SNAPC3: variants seen among roughly 807,000 people sequenced by gnomAD.
SNAPC3 encodes snRNA-activating protein complex subunit 3.
Under a neutral mutation model 47.7 loss-of-function variants are expected in SNAPC3, and 56 were observed. The observed-to-expected ratio is 1.18, with a 90% confidence interval of 0.95 to 1.47. SNAPC3 has a LOEUF of 1.47. Among genes scored for constraint, SNAPC3 ranks in the 40% most tolerant of loss-of-function variants. The pLI is 0.00. For synonymous variants in SNAPC3, 235 were observed against 189.9 expected, an observed-to-expected ratio of 1.24 and a Z score of -1.95; for missense variants, 665 against 511.3, an observed-to-expected ratio of 1.30 and a Z score of -2.90.
chr9:15,450,754 T>A (rs2034325635), intron 5 of SNAPC3, among the ~76,000 whole-genome samples: 2 of 152,194 alleles, frequency 1.3e-5, no homozygotes, highest in South Asian at 4.1e-4. Flanking sequence ...TTTTGTGATT[T>A]GATTTTGCAG....
In SNAPC3 at chr9:15,423,098, G is replaced by C. The variant is rs750295441; in HGVS notation, c.219G>C (p.Gly73=). The C allele has an allele frequency of 1.3e-6, 2 of 1,547,454 alleles. No homozygotes were observed. The highest frequency in any genetic ancestry group is 4.5e-5 in the Admixed American group (2 of 44,236). ...AGCCGCCGGCATCCGCTCTGCCTGG[G>C]AGCCAGGCAGCTGACTCCGACCGGG... ...LREPPASALP[G]SQAADSDRED... The change falls in exon 1 of 9, where the codon GGG becomes GGC. Residue 73 remains glycine (G), a synonymous_variant. Coordinates refer to ENST00000380821, the MANE Select transcript of SNAPC3 (RefSeq NM_001039697.2).
rs553763659 is a variant in SNAPC3 at position 15,454,477 on chromosome 9, G to A, written c.980+1272G>A. 5.6e-4 allele frequency among the ~76,000 whole-genome samples: 86 copies of A among 152,322 alleles called. 1 individual carries two copies. The South Asian group carries it at 8.3e-3, about 15-fold the overall frequency. ...AGAATTATGGAAAAGTGAAATCCCA[G>A]TGTGAGAGCTTTACACCAGACCCAG... is the stretch of plus-strand genomic sequence containing the variant. On this transcript the variant is annotated intron_variant, in intron 7 of 8. Transcript: ENST00000380821.
At chr9:15,461,970 A>G (rs2035252425), downstream of SNAPC3, 1 of 152,160 alleles carries the variant, frequency 6.6e-6, no homozygotes. Context: ...ATTTAAGATA[A>G]ATGAATGATT....
Position 15,459,877 on chromosome 9 carries a change from A to C in SNAPC3, c.*11A>C. On this transcript the variant is annotated 3_prime_UTR_variant, in exon 9 of 9. Coordinates refer to ENST00000380821, the MANE Select transcript of SNAPC3 (RefSeq NM_001039697.2). Reference sequence around the variant, plus strand: ...GGAACCTTTAATTAAGAATAGCTACACTCACAAAAATACCCCCTCATGAAA... The same window carrying C: ...GGAACCTTTAATTAAGAATAGCTACCCTCACAAAAATACCCCCTCATGAAA... 3 of 1,600,956 alleles carry C rather than the reference A, an allele frequency of 1.9e-6. No homozygotes were observed. Among genetic ancestry groups the C allele is most frequent in the Non-Finnish European group, 2.6e-6 (3 of 1,175,402 alleles).
intron 8 of SNAPC3, among the ~76,000 whole-genome samples, 181 bp from the exon 9 acceptor site, chr9:15,459,536 TAG>T (rs763280371): frequency 1.3e-5 from 2 of 152,172 alleles, no homozygotes; most frequent in Non-Finnish European, 2.9e-5. Context: ...TTTCGCTTTG[TAG>T]AGAGAGTATT....
chr9:15,451,266 A>G (rs982597861), intron 5 of SNAPC3, 54 bp from the exon 6 acceptor site: 9 of 722,316 alleles, frequency 1.2e-5, no homozygotes, highest in African/African-American at 1.1e-4. Flanking sequence ...ACTTAGAGCA[A>G]TTTCATCATT....
rs2131937844 is a variant in SNAPC3 at position 15,453,025 on chromosome 9, C to T, written c.816-16C>T. On this transcript the variant is annotated splice_polypyrimidine_tract_variant and intron_variant, in intron 6 of 8. Coordinates refer to ENST00000380821, the MANE Select transcript of SNAPC3 (RefSeq NM_001039697.2). ...TTTGTGGAAAAATGATATATCCTTG[C>T]CTTTTCCCCCCTCAGAACTATCATT... The T allele has an allele frequency of 1.3e-6, 2 of 1,594,796 alleles. No homozygotes were observed. Among genetic ancestry groups the T allele is most frequent in the South Asian group, 1.1e-5 (1 of 87,326 alleles).
chr9:15,454,256 G>C (rs1054439435), intron 7 of SNAPC3, among the ~76,000 whole-genome samples: 1 of 150,922 alleles, frequency 6.6e-6, no homozygotes, highest in Admixed American at 6.6e-5. Context: ...AAAAAAGAAA[G>C]AAGCTGATGC....
rs957057124 is a variant in SNAPC3 at position 15,459,944 on chromosome 9, C to T, written c.*78C>T. 6 of 1,313,076 alleles carry T rather than the reference C, an allele frequency of 4.6e-6. No individual in the cohort carries two copies. The highest frequency in any genetic ancestry group is 6.4e-6 in the Non-Finnish European group (6 of 944,510). The allele number at this position is 1,313,076 out of a possible 1,614,324, so 81.3% of individuals were successfully genotyped here. On this transcript the variant is annotated 3_prime_UTR_variant, in exon 9 of 9. Transcript: ENST00000380821. ...TGGTTACCTTATTTCTAAGAAACGCCACTGAGGAACAGGATCCACTTTGAA... is the reference window on the plus strand; with the variant it reads ...TGGTTACCTTATTTCTAAGAAACGCTACTGAGGAACAGGATCCACTTTGAA...
intron 2 of SNAPC3, among the ~76,000 whole-genome samples, chr9:15,425,821 G>A (rs1477237928): frequency 6.6e-6 from 1 of 152,150 alleles, no homozygotes; most frequent in Non-Finnish European, 1.5e-5. Context: ...TGAGTCTGTA[G>A]TGGCTCACAA....
chr9:15,451,401 AG>A lies in SNAPC3; in HGVS notation c.815+1del, dbSNP rs1304694667. The A allele has an allele frequency of 2.0e-6, 3 of 1,476,010 alleles. No individual in the cohort carries two copies. The highest frequency in any genetic ancestry group is 2.8e-6 in the Non-Finnish European group (3 of 1,081,556). The allele number at this position is 1,476,010 out of a possible 1,614,324, so 91.4% of individuals were successfully genotyped here. A position where few individuals can be genotyped will look rare whatever the true frequency, so the allele number is the denominator to read the frequency against. ...KRYPECRDLSRTIIEWSESHD... is the reference protein window; with the variant it reads ...KRYPECRDLSXTIIEWSESHD... ...ATACCCAGAATGCAGAGATTTGAGCAGGTATAGTTTCCAAAAATCTTCTCAA... is the reference window on the plus strand; with the variant it reads ...ATACCCAGAATGCAGAGATTTGAGCAGTATAGTTTCCAAAAATCTTCTCAA... On this transcript the variant is annotated frameshift_variant and splice_region_variant, in exon 6 of 9. Coordinates refer to ENST00000380821, the MANE Select transcript of SNAPC3 (RefSeq NM_001039697.2). LOFTEE classifies it high-confidence loss of function.
chr9:15,429,713 CA>C (rs1189293793), intron 2 of SNAPC3, among the ~76,000 whole-genome samples: 2 of 152,032 alleles, frequency 1.3e-5, no homozygotes, highest in African/African-American at 4.8e-5. Context: ...TAATGAAAAA[CA>C]GCTATTACAA....
chr9:15,454,320 T>TAC (rs2034614682), intron 7 of SNAPC3, among the ~76,000 whole-genome samples: 5 of 152,162 alleles, frequency 3.3e-5, no homozygotes, highest in African/African-American at 9.7e-5. Flanking sequence ...CTCCAAAATT[T>TAC]TGTATCCCAT....
intron 7 of SNAPC3, among the ~76,000 whole-genome samples, chr9:15,454,865 T>C (rs1391121622): frequency 1.3e-5 from 2 of 151,698 alleles, no homozygotes; most frequent in Non-Finnish European, 2.9e-5. Context: ...ACCCGGGAGG[T>C]GGAGCATGCA....
downstream of SNAPC3, chr9:15,464,075 A>T (rs2035441745): frequency 5.6e-6 from 1 of 177,810 alleles, no homozygotes; most frequent in Admixed American, 6.3e-5. Flanking sequence ...GTTTGATAGA[A>T]AAATTCTTTA....
At chr9:15,462,741 G>C (rs972104985), downstream of SNAPC3, 1 of 152,164 alleles carries the variant, frequency 6.6e-6, no homozygotes, top group African/African-American at 2.4e-5. Flanking sequence ...CTAGGAGAAA[G>C]GTCAGTCATC....
intron 3 of SNAPC3, among the ~76,000 whole-genome samples, chr9:15,439,280 AT>A: frequency 6.6e-6 from 1 of 152,136 alleles, no homozygotes; most frequent in East Asian, 1.9e-4. Flanking sequence ...CATGCTTCTT[AT>A]GTTTTAGAGT....
intron 2 of SNAPC3, among the ~76,000 whole-genome samples, chr9:15,431,450 G>T (rs2032135803): frequency 6.6e-6 from 1 of 152,086 alleles, no homozygotes; most frequent in South Asian, 2.1e-4. Context: ...TAAAGTTATT[G>T]AATCCTTAAC....
chr9:15,448,006 A>G (rs974310800), intron 5 of SNAPC3, among the ~76,000 whole-genome samples: 17 of 152,206 alleles, frequency 1.1e-4, no homozygotes, highest in African/African-American at 3.9e-4. Flanking sequence ...GATCCCTTCC[A>G]CATTTCATCA....
Sources: allele counts gnomAD v4.1 joint callset (sites outside exome capture counted in the v4.1 genomes callset), GRCh38; gene constraint gnomAD v4.1.1; transcripts MANE v1.5; gene names NCBI Gene and HGNC (gene_info 2026-07-23, HGNC 2026-07-21).